Variants in C1GALT1 observed in about 807,000 individuals in gnomAD.
C1GALT1 encodes the protein glycoprotein-N-acetylgalactosamine 3-beta-galactosyltransferase 1.
C1GALT1 carries 11 observed loss-of-function variants against 31.0 expected under a neutral mutation model. The observed-to-expected ratio is 0.36, with a 90% CI of 0.22 to 0.59. The LOEUF (loss-of-function observed/expected upper bound fraction) is 0.59. Ranked by LOEUF, C1GALT1 falls within the 20% of genes least tolerant of loss-of-function variation. The pLI, the probability that C1GALT1 is intolerant of heterozygous loss-of-function variation, is 0.79. For synonymous variants in C1GALT1, 175 were observed against 143.6 expected, an observed-to-expected ratio of 1.22 and a Z score of -1.56; for missense variants, 424 against 425.2, an observed-to-expected ratio of 1.00 and a Z score of 0.03.
intron 1 of C1GALT1, among the ~76,000 whole-genome samples, chr7:7,183,156 G>C (rs541227046): frequency 4.2e-4 from 64 of 152,104 alleles, no homozygotes; most frequent in African/African-American, 1.5e-3. Context: ...GCGGCGCGGC[G>C]GGGCGCGCAG....
rs367980256 is a variant in C1GALT1, at chr7:7,231,511, T to G, written c.-17-2792T>G. Among the ~76,000 whole-genome samples, 12 of 152,326 alleles carry G rather than the reference T, an allele frequency of 7.9e-5. No individual in the cohort carries two copies. The East Asian group carries it at 1.9e-3, about 24-fold the overall frequency. On this transcript the variant is annotated intron_variant, in intron 1 of 3. Transcript: ENST00000436587. The stretch of plus-strand genomic sequence containing the variant: ...CAATTCTTTTTCAATCCATTTGTTT[T>G]TCCATACTTCATTCTGCGTATTTTC...
chr7:7,244,857 A>G lies in C1GALT1; in HGVS notation c.*1130A>G, dbSNP rs1165733234. On this transcript the variant is annotated 3_prime_UTR_variant, in exon 4 of 4. Transcript: ENST00000436587. ...ATAGAAAATGTAGAGTGCTTAAACAAAAATGTTATATTTTGAAAGAGTAGA... is the reference window on the plus strand; with the variant it reads ...ATAGAAAATGTAGAGTGCTTAAACAGAAATGTTATATTTTGAAAGAGTAGA... 1 of 152,218 alleles carries G rather than the reference A, an allele frequency of 6.6e-6. No homozygotes were observed. The highest frequency in any genetic ancestry group is 2.4e-5 in the African/African-American group (1 of 41,464). 9.4% of individuals were successfully genotyped at this position (152,218 alleles called of 1,614,324 possible).
intron 1 of C1GALT1, among the ~76,000 whole-genome samples, chr7:7,204,421 T>C (rs1406498753): frequency 6.6e-6 from 1 of 152,076 alleles, no homozygotes; most frequent in Non-Finnish European, 1.5e-5. Flanking sequence ...ATGCCCTACT[T>C]TCATTTCTGA....
At chr7:7,163,463 C>T (rs1381395659) in intron 2 of C1GALT1, among the ~76,000 whole-genome samples, 2 of 152,018 alleles carry the variant, frequency 1.3e-5, no homozygotes, top group East Asian at 1.9e-4. Flanking sequence ...AAGTTCTGGC[C>T]AGGGCAATTA....
chr7:7,176,365 T>C (rs1352161125), intron 2 of C1GALT1, among the ~76,000 whole-genome samples: 1 of 152,212 alleles, frequency 6.6e-6, no homozygotes, highest in African/African-American at 2.4e-5. Context: ...ATGCAACATA[T>C]ACATTTATAA....
intron 1 of C1GALT1, among the ~76,000 whole-genome samples, chr7:7,210,851 A>G (rs546263088): frequency 1.0e-3 from 157 of 152,360 alleles, no homozygotes; most frequent in Admixed American, 2.0e-3. Flanking sequence ...GCCTGGCTTT[A>G]ACAGCCGTGG....
At position 7,239,764 on chromosome 7, in the gene C1GALT1, CT is replaced by C. The variant is rs555189637; in HGVS notation, c.888+847del. ...TCCCCTGTCTTTACCAAATATTAAT[CT>C]TTTTGCCACATTTGTTTCAGTTATT... On this transcript the variant is annotated intron_variant, in intron 3 of 3. Coordinates refer to ENST00000436587, the MANE Select transcript of C1GALT1 (RefSeq NM_020156.5). Among the ~76,000 whole-genome samples the C allele has an allele frequency of 4.5e-3, 683 of 152,236 alleles. 4 individuals carry two copies. The highest frequency in any genetic ancestry group is 0.013 in the African/African-American group (557 of 41,544).
At chr7:7,221,646 A>G (rs1423478003) in intron 1 of C1GALT1, among the ~76,000 whole-genome samples, 1 of 152,216 alleles carries the variant, frequency 6.6e-6, no homozygotes, top group Non-Finnish European at 1.5e-5. Context: ...CTGGAGTGAT[A>G]TATTGCTCAA....
At position 7,235,760 on chromosome 7, in the gene C1GALT1, A is replaced by G. The variant is rs554397769; in HGVS notation, c.220+1221A>G. 1.6e-4 allele frequency among the ~76,000 whole-genome samples: 25 copies of G among 152,214 alleles called. No individual in the cohort carries two copies. The East Asian group carries it at 3.5e-3, about 21-fold the overall frequency. ...TCCTAGAAGTTGCTCTTCCTCCTCT[A>G]TTCTTTCTTTTATATGGCTCATTAC... On this transcript the variant is annotated intron_variant, in intron 2 of 3. Transcript: ENST00000436587.
intron 1 of C1GALT1, among the ~76,000 whole-genome samples, chr7:7,215,595 T>C (rs1258339811): frequency 4.6e-5 from 7 of 152,178 alleles, no homozygotes; most frequent in Non-Finnish European, 4.4e-5. Context: ...AAAAACACCA[T>C]AGAAAGGAAT....
At chr7:7,232,604 C>T (rs958095589) in intron 1 of C1GALT1, among the ~76,000 whole-genome samples, 1 of 151,908 alleles carries the variant, frequency 6.6e-6, no homozygotes, top group Non-Finnish European at 1.5e-5. Context: ...ATTCTTTTGC[C>T]TCAGTCTCCC....
At chr7:7,229,430 A>G (rs888226117) in intron 1 of C1GALT1, among the ~76,000 whole-genome samples, 1 of 152,098 alleles carries the variant, frequency 6.6e-6, no homozygotes, top group African/African-American at 2.4e-5. Context: ...GAGTTAAAAC[A>G]TCTTTCATTT....
chr7:7,191,186 G>A (rs1319799652), intron 1 of C1GALT1, among the ~76,000 whole-genome samples: 4 of 152,016 alleles, frequency 2.6e-5, no homozygotes, highest in African/African-American at 9.7e-5. Context: ...AGCCTACTCT[G>A]TCTCTGATTT....
chr7:7,157,609 G>A (rs567575969), intron 2 of C1GALT1, among the ~76,000 whole-genome samples: 1 of 152,184 alleles, frequency 6.6e-6, no homozygotes, highest in East Asian at 1.9e-4. Context: ...GTCTTGACTG[G>A]CTTCTAAGAT....
chr7:7,168,207 A>T (rs1562552307), intron 2 of C1GALT1, among the ~76,000 whole-genome samples: 2 of 152,326 alleles, frequency 1.3e-5, no homozygotes, highest in South Asian at 4.1e-4. Context: ...AATTTAGAAA[A>T]GATGCAGGTT....
chr7:7,185,261 C>G (rs1441968355), intron 1 of C1GALT1, among the ~76,000 whole-genome samples: 1 of 152,126 alleles, frequency 6.6e-6, no homozygotes, highest in East Asian at 1.9e-4. Context: ...TAGGGAGATT[C>G]TGGAATGGGA....
chr7:7,171,587 T>G (rs1215384751), intron 2 of C1GALT1, among the ~76,000 whole-genome samples: 1 of 152,172 alleles, frequency 6.6e-6, no homozygotes, highest in East Asian at 1.9e-4. Context: ...ATATCTAAAA[T>G]AATTACTCAT....
At chr7:7,221,701 A>T (rs1782517658) in intron 1 of C1GALT1, among the ~76,000 whole-genome samples, 1 of 152,202 alleles carries the variant, frequency 6.6e-6, no homozygotes, top group Non-Finnish European at 1.5e-5. Flanking sequence ...AGTGGTTTTT[A>T]ACTTTCTGTA....
intron 1 of C1GALT1, among the ~76,000 whole-genome samples, chr7:7,224,471 CG>C (rs1466700895): frequency 1.6e-5 from 2 of 121,556 alleles, no homozygotes; most frequent in African/African-American, 5.9e-5. Flanking sequence ...GGGTCAGGGG[CG>C]GGGGGTGAGG....
Sources: gnomAD v4.1 joint callset for allele counts (sites outside exome capture counted in the v4.1 genomes callset) on GRCh38, gnomAD v4.1.1 for gene constraint, MANE v1.5 for transcripts, NCBI Gene and HGNC (gene_info 2026-07-23, HGNC 2026-07-21) for gene names.